The following AMMECR1 variants were observed in gnomAD, a reference collection of about 807,000 sequenced individuals.
AMMECR1 encodes nuclear protein AMMECR1.
Under a neutral mutation model 22.5 loss-of-function variants are expected in AMMECR1, and 3 were observed. The ratio of observed to expected loss-of-function variants is 0.13; its 90% CI spans 0.06 to 0.35. The LOEUF (loss-of-function observed/expected upper bound fraction) is 0.35, where lower values mean the gene tolerates loss of function less well. Ranked by LOEUF, AMMECR1 falls within the 10% of genes least tolerant of loss-of-function variation. The pLI is 1.00. For synonymous variants in AMMECR1, 130 were observed against 116.7 expected (o/e 1.11, Z -0.74); for missense variants, 235 against 278.7 (o/e 0.84, Z 1.12).
Position 110,398,956 on chromosome X carries a change from A to G in AMMECR1, c.-148+27702T>C, listed in dbSNP as rs772061198. ...TTTTGCTCATTAGGAAAAAAATGCT[A>G]TGACTGATTATTGATACCTGCCATA... On this transcript the variant is annotated intron_variant, in intron 2 of 7. Transcript: ENST00000372057. 4.5e-5 allele frequency among the ~76,000 whole-genome samples: 5 copies of G among 112,107 alleles called. No homozygotes were observed. In the South Asian group the frequency reaches 1.1e-3, roughly 25 times the overall value.
rs747125530 is a variant in AMMECR1, at chrX:110,409,669, A to G, written c.-148+16989T>C. ...CTGTTTTTTTTTTTTCACTCCCCTG[A>G]TCCCATCAATAATACGTGTACTCCT... On this transcript the variant is annotated intron_variant, in intron 2 of 7. Transcript: ENST00000372057. 3.7e-5 allele frequency among the ~76,000 whole-genome samples: 4 copies of G among 106,926 alleles called. No homozygotes were observed. In the South Asian group the frequency reaches 1.3e-3, roughly 34 times the overall value. The allele number at this position is 106,926 out of a possible 115,157, so 92.9% of individuals were successfully genotyped here. A position where few individuals can be genotyped will look rare whatever the true frequency, so the allele number is the denominator to read the frequency against.
At chrX:110,333,838 C>T (rs2068130858) in intron 2 of AMMECR1, among the ~76,000 whole-genome samples, 1 of 105,955 alleles carries the variant, frequency 9.4e-6, no homozygotes, top group Non-Finnish European at 1.9e-5. Context: ...GGGTGGGGGT[C>T]TGGGGGAGGG....
chrX:110,381,098 T>G (rs2068415524), intron 2 of AMMECR1, among the ~76,000 whole-genome samples: 1 of 112,096 alleles, frequency 8.9e-6, no homozygotes, highest in Admixed American at 9.4e-5. Flanking sequence ...AGGTGGGATC[T>G]AATTAAACCA....
chrX:110,427,385 T>C (rs766276477), intron 1 of AMMECR1, among the ~76,000 whole-genome samples: 1 of 111,979 alleles, frequency 8.9e-6, no homozygotes, highest in Admixed American at 9.4e-5. Flanking sequence ...TGGCAACTTC[T>C]TAAAGTTAGA....
Position 110,195,588 on chromosome X carries a change from A to C in AMMECR1, c.*2932T>G, listed in dbSNP as rs748616775. The C allele has an allele frequency of 8.9e-6, 1 of 112,479 alleles. No individual in the cohort carries two copies. Among genetic ancestry groups the C allele is most frequent in the Non-Finnish European group, 1.9e-5 (1 of 53,246 alleles). The allele number at this position is 112,479 out of a possible 1,213,427, so 9.3% of individuals were successfully genotyped here. A position where few individuals can be genotyped will look rare whatever the true frequency, so the allele number is the denominator to read the frequency against. ...ATGTAAACTTTGTGCTACTCAAATG[A>C]AGTTCAAGTATTACTTCTGAGCTGT... On this transcript the variant is annotated 3_prime_UTR_variant, in exon 6 of 6. Transcript: ENST00000262844.
At position 110,375,712 on chromosome X, in the gene AMMECR1, A is replaced by C. The variant is rs554714537; in HGVS notation, c.-148+50946T>G. On this transcript the variant is annotated intron_variant, in intron 2 of 7. Transcript: ENST00000372057. ...ACTACAGCTACTACTCACAATTATT[A>C]TTTTAAAAATTAAATTAGAATGCTA... Among the ~76,000 whole-genome samples the C allele has an allele frequency of 4.4e-4, 50 of 112,420 alleles. No homozygotes were observed. The South Asian group carries it at 0.019, about 42-fold the overall frequency.
intron 2 of AMMECR1, among the ~76,000 whole-genome samples, chrX:110,239,778 A>T (rs771639003): frequency 9.0e-6 from 1 of 111,538 alleles, no homozygotes; most frequent in African/African-American, 3.3e-5. Context: ...GAAATGAAGG[A>T]AAAAATGTTA....
At chrX:110,235,841 A>T (rs1006167870) in intron 2 of AMMECR1, among the ~76,000 whole-genome samples, 1 of 111,512 alleles carries the variant, frequency 9.0e-6, no homozygotes, top group Non-Finnish European at 1.9e-5. Context: ...GAGGGATAGC[A>T]TTACGAGAAA....
At chrX:110,354,606 A>G (rs752743915) in intron 2 of AMMECR1, among the ~76,000 whole-genome samples, 2 of 112,246 alleles carry the variant, frequency 1.8e-5, no homozygotes, top group Admixed American at 9.5e-5. Flanking sequence ...TATATTAAAT[A>G]AAGCTATTAT....
chrX:110,372,273 T>C (rs2068344433), intron 2 of AMMECR1, among the ~76,000 whole-genome samples: 3 of 112,782 alleles, frequency 2.7e-5, no homozygotes, highest in South Asian at 7.2e-4. Context: ...TATTTGCTTT[T>C]TATTTCTTTC....
chrX:110,312,018 A>T (rs753938424), intron 1 of AMMECR1, among the ~76,000 whole-genome samples: 1 of 112,480 alleles, frequency 8.9e-6, no homozygotes, highest in East Asian at 2.8e-4. Flanking sequence ...CACAAGTTTG[A>T]AAAAGAGACT....
At chrX:110,259,591 C>CTTT (rs56156052) in intron 2 of AMMECR1, among the ~76,000 whole-genome samples, 1 of 94,798 alleles carries the variant, frequency 1.1e-5, no homozygotes, top group African/African-American at 3.8e-5. Context: ...CTTTCTTTTT[C>CTTT]TTTTTTTTTT....
intron 2 of AMMECR1, among the ~76,000 whole-genome samples, chrX:110,334,876 C>T (rs2068135103): frequency 9.0e-6 from 1 of 111,464 alleles, no homozygotes; most frequent in African/African-American, 3.3e-5. Flanking sequence ...GCTCCTTGGG[C>T]AAACCTTATA....
intron 1 of AMMECR1, among the ~76,000 whole-genome samples, chrX:110,280,593 T>C (rs1325303959): frequency 1.8e-5 from 2 of 111,569 alleles, no homozygotes; most frequent in Non-Finnish European, 3.8e-5. Context: ...TCAATACATG[T>C]TCACTATAAA....
intron 2 of AMMECR1, among the ~76,000 whole-genome samples, chrX:110,233,694 C>T (rs1263582231): frequency 2.7e-5 from 3 of 112,169 alleles, no homozygotes; most frequent in East Asian, 2.8e-4. Context: ...AATCAATAAA[C>T]GTAATCCATT....
chrX:110,312,995 A>C (rs1405267652), intron 1 of AMMECR1, among the ~76,000 whole-genome samples: 1 of 112,236 alleles, frequency 8.9e-6, no homozygotes, highest in African/African-American at 3.2e-5. Context: ...AAAACATATA[A>C]CAGAAATATA....
At position 110,373,581 on chromosome X, in the gene AMMECR1, T is replaced by A. The variant is rs758274833; in HGVS notation, c.-148+53077A>T. ...CATGAGGAAATTGACTGGAATGAGT[T>A]AGTTGGTATATACAAGAAATGGGAG... On this transcript the variant is annotated intron_variant, in intron 2 of 7. Transcript: ENST00000372057. Among the ~76,000 whole-genome samples, 7 of 112,304 alleles carry A rather than the reference T, an allele frequency of 6.2e-5. No individual in the cohort carries two copies. In the South Asian group the frequency reaches 2.6e-3, roughly 41 times the overall value.
chrX:110,316,629 A>G (rs1451940416), intron 1 of AMMECR1, among the ~76,000 whole-genome samples: 1 of 110,727 alleles, frequency 9.0e-6, no homozygotes, highest in African/African-American at 3.3e-5. Context: ...ATGGACAGGG[A>G]TTAGAATTAA....
In AMMECR1 at chrX:110,395,612, A is replaced by G. The variant is rs61356387; in HGVS notation, c.-148+31046T>C. ...AAGCCGGGACTGAAATACAGGTCTA[A>G]CTTTTGAGACAACCTTTTTTCTTTT... is the stretch of plus-strand genomic sequence containing the variant. On this transcript the variant is annotated intron_variant, in intron 2 of 7. Transcript: ENST00000372057. Among the ~76,000 whole-genome samples the G allele has an allele frequency of 4.6e-4, 52 of 112,377 alleles. 2 individuals carry two copies. In the East Asian group the frequency reaches 0.014, roughly 30 times the overall value.
Sources: allele counts gnomAD v4.1 joint callset (sites outside exome capture counted in the v4.1 genomes callset), GRCh38; gene constraint gnomAD v4.1.1; transcripts MANE v1.5; gene names NCBI Gene and HGNC (gene_info 2026-07-23, HGNC 2026-07-21).